OPHN1: variants seen among roughly 807,000 people sequenced by gnomAD.
The protein encoded by OPHN1 is oligophrenin 1, also known as oligophrenin-1.
In OPHN1, 11 loss-of-function variants were observed where a neutral mutation model predicts 60.7. That is an observed-to-expected ratio of 0.18 (90% confidence interval 0.11 to 0.30). OPHN1 has a LOEUF of 0.30. Among genes scored for constraint, OPHN1 ranks in the 10% least tolerant of loss-of-function variants. The probability of loss-of-function intolerance (pLI) is 1.00; values close to 1 mark genes in which losing one functional copy is unlikely to be tolerated. For synonymous variants in OPHN1, 226 were observed against 222.6 expected (o/e 1.02, Z -0.14); for missense variants, 449 against 611.0 (o/e 0.73, Z 2.80).
chrX:68,205,979 A>AGTGT (rs1228949782), intron 10 of OPHN1, among the ~76,000 whole-genome samples: 16,245 of 90,854 alleles, frequency 0.18, 1,138 homozygotes, highest in African/African-American at 0.28. Flanking sequence ...AGTGTGTGTG[A>AGTGT]GTGTGTGTGT....
At chrX:68,156,266 T>A (rs1445608418) in intron 15 of OPHN1, among the ~76,000 whole-genome samples, 1 of 103,760 alleles carries the variant, frequency 9.6e-6, no homozygotes, top group East Asian at 3.0e-4. Flanking sequence ...CAGATTATCA[T>A]CTTAGTTCTG....
chrX:68,217,108 T>C (rs781405924), intron 6 of OPHN1, among the ~76,000 whole-genome samples: 1 of 111,911 alleles, frequency 8.9e-6, no homozygotes, highest in East Asian at 2.9e-4. Context: ...AGACATTGCC[T>C]CACTTGGGAA....
Position 68,206,653 on chromosome X carries a change from C to T in OPHN1, c.853G>A (p.Val285Met), listed in dbSNP as rs776722078. 16 of 1,203,420 alleles carry T rather than the reference C, an allele frequency of 1.3e-5. No individual in the cohort carries two copies. The South Asian group carries it at 2.8e-4, about 21-fold the overall frequency. The change falls in exon 10 of 25, where the codon GTG becomes ATG. Residue 285 changes from valine (V) to methionine (M), a missense_variant. By Grantham distance (21) the Val-to-Met change is conservative. Around this residue, in one of 4 missense-constraint regions of OPHN1, gnomAD observed 166 missense variants for 278.4 expected, o/e 0.60. Coordinates refer to ENST00000355520, the MANE Select transcript of OPHN1 (RefSeq NM_002547.3). ...QEKWALGISWVKYYCQYEKET... is the reference protein window; with the variant it reads ...QEKWALGISWMKYYCQYEKET... ...TTCTCATACTGGCAATAGTATTTCACCCAGGATATTCCTAAAGCCCCTACA... is the reference window on the plus strand; with the variant it reads ...TTCTCATACTGGCAATAGTATTTCATCCAGGATATTCCTAAAGCCCCTACA...
intron 3 of OPHN1, 130 bp downstream of exon 3, chrX:68,298,871 C>T (rs1160457845): frequency 7.2e-6 from 3 of 417,195 alleles, no homozygotes; most frequent in East Asian, 5.2e-5. Flanking sequence ...CCTAATCAAC[C>T]TCCCAGGGCC....
In OPHN1 at chrX:68,334,975, C is replaced by CAATT. The variant is rs749126027; in HGVS notation, c.155-35883_155-35880dup. ...TGGGCGACAGAATAAGACCCTGTCT[C>CAATT]AATTAATTAATTAATTAATTAATTA... On this transcript the variant is annotated intron_variant, in intron 2 of 24. Coordinates refer to ENST00000355520, the MANE Select transcript of OPHN1 (RefSeq NM_002547.3). 4.5e-3 allele frequency among the ~76,000 whole-genome samples: 491 copies of CAATT among 108,846 alleles called. 4 individuals are homozygous for CAATT. The highest frequency in any genetic ancestry group is 0.014 in the African/African-American group (428 of 29,942). The allele number at this position is 108,846 out of a possible 115,157, so 94.5% of individuals were successfully genotyped here.
chrX:68,204,691 T>C (rs1201586907), intron 10 of OPHN1, among the ~76,000 whole-genome samples: 5 of 111,408 alleles, frequency 4.5e-5, no homozygotes, highest in Non-Finnish European at 9.4e-5. Flanking sequence ...TTCTTTCCAT[T>C]CCATAAGGAA....
intron 2 of OPHN1, among the ~76,000 whole-genome samples, chrX:68,317,011 G>C (rs1039574037): frequency 2.7e-5 from 3 of 110,613 alleles, no homozygotes; most frequent in African/African-American, 9.9e-5. Context: ...CTAGAAATCA[G>C]TAACAGGCTG....
intron 5 of OPHN1, among the ~76,000 whole-genome samples, chrX:68,260,255 T>C (rs758477303): frequency 1.8e-5 from 2 of 110,511 alleles, no homozygotes; most frequent in South Asian, 7.9e-4. Flanking sequence ...TGGACTCATA[T>C]AGCAGGTAAT....
chrX:68,322,187 G>T (rs1257674983), intron 2 of OPHN1, among the ~76,000 whole-genome samples: 1 of 110,266 alleles, frequency 9.1e-6, no homozygotes, highest in Non-Finnish European at 1.9e-5. Flanking sequence ...GCCCAGACTG[G>T]TCTCAAACTC....
intron 2 of OPHN1, among the ~76,000 whole-genome samples, chrX:68,432,169 C>T (rs2078889047): frequency 9.0e-6 from 1 of 110,891 alleles, no homozygotes; most frequent in Non-Finnish European, 1.9e-5. Context: ...CCAGCAGCCC[C>T]CAACCCTATC....
At chrX:68,163,052 G>C (rs992965305) in intron 15 of OPHN1, among the ~76,000 whole-genome samples, 1 of 110,644 alleles carries the variant, frequency 9.0e-6, no homozygotes, top group Non-Finnish European at 1.9e-5. Context: ...AGGCTTTCGC[G>C]AACTCCAACT....
intron 5 of OPHN1, among the ~76,000 whole-genome samples, chrX:68,269,730 T>A (rs2077955947): frequency 9.0e-6 from 1 of 111,313 alleles, no homozygotes; most frequent in South Asian, 3.8e-4. Flanking sequence ...AAGCCAAAAT[T>A]GACAAATGGG....
At chrX:68,094,395 C>T (rs2077030340) in intron 19 of OPHN1, among the ~76,000 whole-genome samples, 1 of 111,597 alleles carries the variant, frequency 9.0e-6, no homozygotes, top group African/African-American at 3.3e-5. Context: ...ATTGTATTAG[C>T]CCTTACAGTT....
chrX:68,218,610 G>C (rs1239965700), intron 6 of OPHN1, among the ~76,000 whole-genome samples: 9 of 109,883 alleles, frequency 8.2e-5, no homozygotes, highest in African/African-American at 2.3e-4. Context: ...CCAGAAGAGA[G>C]TGGGGGCCAA....
At chrX:68,138,846 C>T (rs770196076) in intron 15 of OPHN1, among the ~76,000 whole-genome samples, 1 of 111,695 alleles carries the variant, frequency 9.0e-6, no homozygotes, top group East Asian at 2.8e-4. Flanking sequence ...GAATACAAAC[C>T]CAGATAGTCT....
chrX:68,385,349 A>G (rs1448500656), intron 2 of OPHN1, among the ~76,000 whole-genome samples: 1 of 111,959 alleles, frequency 8.9e-6, no homozygotes, highest in Non-Finnish European at 1.9e-5. Flanking sequence ...AGCAATGCCC[A>G]GCCCAGACAA....
chrX:68,282,176 T>C (rs1034474997), intron 4 of OPHN1, among the ~76,000 whole-genome samples: 1 of 112,179 alleles, frequency 8.9e-6, no homozygotes, highest in Non-Finnish European at 1.9e-5. Flanking sequence ...AACCAAGATG[T>C]CCCTCAGTAG....
rs776044159 is a variant in OPHN1, at chrX:68,192,932, C to T, written c.1263G>A (p.Leu421=). ...TAAAATTGTTACCAAAAAAGGCATT[C>T]AGCAGCTTCTGAACCTGAATATTGC... ...VGSNIQVQKL[L]NAFFDPKCPG... The change falls in exon 15 of 25, where the codon CTG becomes CTA. Residue 421 remains leucine, a synonymous_variant. Coordinates refer to ENST00000355520, the MANE Select transcript of OPHN1 (RefSeq NM_002547.3). 1.4e-5 allele frequency: 17 copies of T among 1,207,511 alleles called. No homozygotes were observed.
chrX:68,398,695 T>C (rs1473728917), intron 2 of OPHN1, among the ~76,000 whole-genome samples: 1 of 111,666 alleles, frequency 9.0e-6, no homozygotes, highest in Admixed American at 9.6e-5. Context: ...ACGCCTGTAA[T>C]CCCAGCACTT....
Sources: allele counts gnomAD v4.1 joint callset (sites outside exome capture counted in the v4.1 genomes callset), GRCh38; gene constraint gnomAD v4.1.1; regional missense constraint gnomAD v4.1.1; transcripts MANE v1.5; gene names NCBI Gene and HGNC (gene_info 2026-07-23, HGNC 2026-07-21).